MALRD1: variants seen among roughly 807,000 people sequenced by gnomAD.
MALRD1 encodes MAM and LDL receptor class A domain containing 1, also known as MAM and LDL-receptor class A domain-containing protein 1.
In MALRD1, 247 loss-of-function variants were observed where a neutral mutation model predicts 242.1. The ratio of observed to expected loss-of-function variants is 1.02; its 90% CI spans 0.92 to 1.13. MALRD1 has a LOEUF of 1.13. Among genes scored for constraint, MALRD1 ranks in the 50% most tolerant of loss-of-function variants. The pLI, the probability that MALRD1 is intolerant of heterozygous loss-of-function variation, is 0.00. For missense variants in MALRD1, 2,989 were observed against 2,533.1 expected, an observed-to-expected ratio of 1.18 and a Z score of -3.86; for synonymous variants, 995 against 866.6, an observed-to-expected ratio of 1.15 and a Z score of -2.60.
In MALRD1 at chr10:19,555,371, G is replaced by T. The variant is rs867889245; in HGVS notation, c.5479-12131G>T. Among the ~76,000 whole-genome samples, 33 of 152,026 alleles carry T rather than the reference G, an allele frequency of 2.2e-4. 1 individual carries two copies. The highest frequency in any genetic ancestry group is 6.8e-4 in the African/African-American group (28 of 41,386). On this transcript the variant is annotated intron_variant, in intron 32 of 39. Coordinates refer to ENST00000454679, the MANE Select transcript of MALRD1 (RefSeq NM_001142308.3). ...TAGCGTAGGAGGATTGGGAAAGCTG[G>T]GTAGGACTTCATTTTTACAACCATG...
intron 21 of MALRD1, among the ~76,000 whole-genome samples, chr10:19,320,921 GT>G (rs935694925): frequency 1.3e-5 from 2 of 151,356 alleles, no homozygotes; most frequent in African/African-American, 2.4e-5. Context: ...TGATGGGGTT[GT>G]TTTTTTTCTT....
At chr10:19,512,403 C>G (rs945531940) in intron 31 of MALRD1, among the ~76,000 whole-genome samples, 1 of 152,208 alleles carries the variant, frequency 6.6e-6, no homozygotes, top group South Asian at 2.1e-4. Context: ...AGCAGTAATA[C>G]ATTTGCCCAA....
At chr10:19,264,531 G>C (rs531146002) in intron 19 of MALRD1, among the ~76,000 whole-genome samples, 2 of 148,472 alleles carry the variant, frequency 1.3e-5, no homozygotes, top group Admixed American at 6.8e-5. Flanking sequence ...CCTGCTCACT[G>C]CAAGCTCCGC....
intron 36 of MALRD1, among the ~76,000 whole-genome samples, chr10:19,625,168 C>T (rs192964465): frequency 1.6e-4 from 25 of 152,170 alleles, no homozygotes; most frequent in Admixed American, 5.2e-4. Context: ...TCTTTGGCCA[C>T]GATCTATGCT....
chr10:19,383,353 C>A (rs1845919598), intron 26 of MALRD1, among the ~76,000 whole-genome samples: 1 of 152,182 alleles, frequency 6.6e-6, no homozygotes, highest in African/African-American at 2.4e-5. Context: ...GCCTCCAGCT[C>A]CACCCATGTT....
intron 36 of MALRD1, among the ~76,000 whole-genome samples, chr10:19,674,206 G>A (rs1211910462): frequency 6.6e-6 from 1 of 152,160 alleles, no homozygotes; most frequent in Non-Finnish European, 1.5e-5. Context: ...TTTAGGGAAT[G>A]GCGTAACCTC....
chr10:19,094,535 C>T (rs1309125401), intron 4 of MALRD1, among the ~76,000 whole-genome samples: 2 of 151,226 alleles, frequency 1.3e-5, no homozygotes, highest in Non-Finnish European at 2.9e-5. Flanking sequence ...GATGGAAATG[C>T]AGAAATCACC....
intron 21 of MALRD1, among the ~76,000 whole-genome samples, chr10:19,291,725 G>C (rs1173857627): frequency 6.6e-6 from 1 of 151,618 alleles, no homozygotes; most frequent in Admixed American, 6.6e-5. Flanking sequence ...TTCTCTAAAT[G>C]TAATAACTAA....
At chr10:19,371,137 C>G (rs1845357458) in intron 26 of MALRD1, among the ~76,000 whole-genome samples, 1 of 150,440 alleles carries the variant, frequency 6.6e-6, no homozygotes, top group African/African-American at 2.4e-5. Context: ...GTGGCATGCA[C>G]CTGTCGTCCC....
Position 19,450,508 on chromosome 10 carries a change from A to G in MALRD1, c.5029+18A>G. ...CACAACTGGTAAGTTTCCAGAAAGC[A>G]CTTCCATTTGGAAGCACATTTTTAA... On this transcript the variant is annotated intron_variant, in intron 29 of 39. Transcript: ENST00000454679. 1 of 1,532,898 alleles carries G rather than the reference A, an allele frequency of 6.5e-7. No individual in the cohort carries two copies. The highest frequency in any genetic ancestry group is 8.8e-7 in the Non-Finnish European group (1 of 1,138,360). 95.0% of individuals were successfully genotyped at this position (1,532,898 alleles called of 1,614,324 possible).
chr10:19,475,785 G>A (rs1169034286), intron 29 of MALRD1, among the ~76,000 whole-genome samples: 2 of 152,102 alleles, frequency 1.3e-5, no homozygotes, highest in Non-Finnish European at 2.9e-5. Flanking sequence ...ACCTTTCTAT[G>A]TCAATAATAG....
rs1194863253 is a variant in MALRD1, at chr10:19,530,431, T to TATATATA, written c.5321-738_5321-732dup. Among the ~76,000 whole-genome samples, 40 of 66,746 alleles carry TATATATA rather than the reference T, an allele frequency of 6.0e-4. 2 individuals carry two copies. The East Asian group carries it at 7.8e-3, about 13-fold the overall frequency. The allele number at this position is 66,746 out of a possible 152,430, so 43.8% of individuals were successfully genotyped here. ...TATTTATATAATAATAAATATATAATATATATAATATATAATATATAATAT... is the reference window on the plus strand; with the variant it reads ...TATTTATATAATAATAAATATATAATATATATAATATATAATATATAATATATAATAT... On this transcript the variant is annotated intron_variant, in intron 31 of 39. Coordinates refer to ENST00000454679, the MANE Select transcript of MALRD1 (RefSeq NM_001142308.3).
At chr10:19,617,841 A>G (rs1839232138) in intron 36 of MALRD1, among the ~76,000 whole-genome samples, 1 of 152,046 alleles carries the variant, frequency 6.6e-6, no homozygotes, top group Admixed American at 6.6e-5. Flanking sequence ...CTACACATGT[A>G]GTTTTATTTA....
chr10:19,238,942 G>T (rs1246825516), intron 18 of MALRD1, among the ~76,000 whole-genome samples: 1 of 151,594 alleles, frequency 6.6e-6, no homozygotes, highest in South Asian at 2.1e-4. Context: ...GTATCTTATT[G>T]TGGTTTTGAT....
In MALRD1 at chr10:19,112,087, T is replaced by C. The variant is rs537850975; in HGVS notation, c.694+8012T>C. Among the ~76,000 whole-genome samples, 237 of 152,024 alleles carry C rather than the reference T, an allele frequency of 1.6e-3. 1 individual carries two copies. The highest frequency in any genetic ancestry group is 5.4e-3 in the African/African-American group (224 of 41,466). ...ATCAGGGAGTGATTGATTCTGGGCTTCACTCCAGTGATAGATGGGAATCAC... is the reference window on the plus strand; with the variant it reads ...ATCAGGGAGTGATTGATTCTGGGCTCCACTCCAGTGATAGATGGGAATCAC... On this transcript the variant is annotated intron_variant, in intron 5 of 39. Transcript: ENST00000454679.
chr10:19,681,363 C>CT (rs1311009314), intron 36 of MALRD1, among the ~76,000 whole-genome samples: 1 of 151,906 alleles, frequency 6.6e-6, no homozygotes. Context: ...CCTTTTTATT[C>CT]TTTTTTCTCT....
In MALRD1 at chr10:19,171,425, TATACATA is replaced by T. The variant is rs1564439918; in HGVS notation, c.1831-3782_1831-3776del. On this transcript the variant is annotated intron_variant, in intron 13 of 39. Coordinates refer to ENST00000454679, the MANE Select transcript of MALRD1 (RefSeq NM_001142308.3). Reference sequence around the variant, plus strand: ...ATTGGTCACAACATTTTATATTTTATATACATATATATATATATATATATATATATAT... The same window carrying T: ...ATTGGTCACAACATTTTATATTTTATTATATATATATATATATATATATAT... 2.1e-3 allele frequency among the ~76,000 whole-genome samples: 188 copies of T among 91,234 alleles called. 11 individuals carry two copies. The highest frequency in any genetic ancestry group is 2.4e-3 in the Admixed American group (23 of 9,628). 59.9% of individuals were successfully genotyped at this position (91,234 alleles called of 152,430 possible).
At chr10:19,310,757 C>T (rs1245793464) in intron 21 of MALRD1, among the ~76,000 whole-genome samples, 2 of 151,402 alleles carry the variant, frequency 1.3e-5, no homozygotes, top group South Asian at 2.1e-4. Flanking sequence ...CTTCTTTAAA[C>T]GATCTCGTAA....
At chr10:19,733,261 A>G (rs1191050578) in intron 39 of MALRD1, among the ~76,000 whole-genome samples, 1 of 152,226 alleles carries the variant, frequency 6.6e-6, no homozygotes, top group African/African-American at 2.4e-5. Flanking sequence ...GCCAGCTTCA[A>G]GGACTGTCAA....
Sources: allele counts gnomAD v4.1 joint callset (sites outside exome capture counted in the v4.1 genomes callset), GRCh38; gene constraint gnomAD v4.1.1; transcripts MANE v1.5; gene names NCBI Gene and HGNC (gene_info 2026-07-23, HGNC 2026-07-21).